Variants in ADARB1 observed in about 807,000 individuals in gnomAD.
ADARB1 encodes the protein double-stranded RNA-specific editase 1.
Under a neutral mutation model 52.4 loss-of-function variants are expected in ADARB1, and 10 were observed. The observed-to-expected ratio is 0.19, with a 90% CI of 0.12 to 0.32. The LOEUF (loss-of-function observed/expected upper bound fraction) is 0.32, where lower values mean the gene tolerates loss of function less well. Among genes scored for constraint, ADARB1 ranks in the 10% least tolerant of loss-of-function variants. ADARB1 has a pLI of 1.00. For synonymous variants in ADARB1, 349 were observed against 371.1 expected (o/e 0.94, Z 0.68); for missense variants, 643 against 922.3 (o/e 0.70, Z 3.92).
intron 1 of ADARB1, among the ~76,000 whole-genome samples, chr21:45,122,630 G>A (rs1364631049): frequency 1.3e-5 from 2 of 152,156 alleles, no homozygotes; most frequent in African/African-American, 4.8e-5. Context: ...GTCAGTGGGC[G>A]GAGGTGGGAG....
In ADARB1 at chr21:45,225,243, T is replaced by C; in HGVS notation, c.*3046T>C. On this transcript the variant is annotated 3_prime_UTR_variant, in exon 11 of 11. Transcript: ENST00000348831. The stretch of plus-strand genomic sequence containing the variant: ...TGAGGCAGCGACAGGTCCAGATGGA[T>C]GTCGTCACCACCTTCCTCAGCTCTC... 8.9e-7 allele frequency: 1 copy of C among 1,121,040 alleles called. No homozygotes were observed. The highest frequency in any genetic ancestry group is 1.1e-6 in the Non-Finnish European group (1 of 917,996). 69.4% of individuals were successfully genotyped at this position (1,121,040 alleles called of 1,614,324 possible).
rs76480815 is a variant in ADARB1 at position 45,195,156 on chromosome 21, T to C, written c.1566-9399T>C. On this transcript the variant is annotated intron_variant, in intron 8 of 10. Transcript: ENST00000348831. ...TAATTTGCAGATTCCTAATGACATA[T>C]GATGTGGAGCATCTTTTCATGTGTT... Among the ~76,000 whole-genome samples the C allele has an allele frequency of 5.5e-3, 845 of 152,374 alleles. 5 individuals are homozygous for C. The highest frequency in any genetic ancestry group is 0.019 in the African/African-American group (806 of 41,578).
intron 9 of ADARB1, among the ~76,000 whole-genome samples, chr21:45,206,912 C>T (rs1399999612): frequency 1.3e-5 from 2 of 152,140 alleles, no homozygotes; most frequent in Admixed American, 1.3e-4. Flanking sequence ...AGCACATTAC[C>T]AAACCCCTCC....
At chr21:45,124,955 C>T (rs958738759) in intron 1 of ADARB1, among the ~76,000 whole-genome samples, 8 of 151,834 alleles carry the variant, frequency 5.3e-5, no homozygotes, top group Non-Finnish European at 8.8e-5. Context: ...TGTGTTACTA[C>T]GCCTGGCTAA....
intron 1 of ADARB1, among the ~76,000 whole-genome samples, chr21:45,121,539 G>A (rs541107911): frequency 1.3e-5 from 2 of 152,210 alleles, no homozygotes; most frequent in East Asian, 1.9e-4. Flanking sequence ...ATTCTGCTGC[G>A]GGTTAGTTGG....
At chr21:45,091,347 GA>G (rs1307368392) in intron 1 of ADARB1, among the ~76,000 whole-genome samples, 1 of 152,094 alleles carries the variant, frequency 6.6e-6, no homozygotes, top group African/African-American at 2.4e-5. Flanking sequence ...TGCTTTTATT[GA>G]ATTCTTATGA....
At position 45,200,732 on chromosome 21, in the gene ADARB1, G is replaced by A. The variant is rs754357235; in HGVS notation, c.1566-3823G>A. On this transcript the variant is annotated intron_variant, in intron 8 of 10. Coordinates refer to ENST00000348831, the MANE Select transcript of ADARB1 (RefSeq NM_001112.4). This position sits in a 1 kb window ranked among gnomAD's most constrained non-coding sequence, Gnocchi z 5.0. ...GGGTTGAAAGCAGGAAGGAATGGGC[G>A]TGGGGCAACCACTAGGAAGCTGTAG... 7.4e-4 allele frequency among the ~76,000 whole-genome samples: 113 copies of A among 152,286 alleles called. No homozygotes were observed. In the Middle Eastern group the frequency reaches 0.014, roughly 18 times the overall value.
At chr21:45,198,643 C>G (rs1480105979) in intron 8 of ADARB1, among the ~76,000 whole-genome samples, 2 of 152,076 alleles carry the variant, frequency 1.3e-5, no homozygotes, top group African/African-American at 4.8e-5. Flanking sequence ...GGATGATGAT[C>G]CCCATTTTAT....
chr21:45,152,417 C>T (rs1569077915), intron 2 of ADARB1, among the ~76,000 whole-genome samples: 2 of 152,152 alleles, frequency 1.3e-5, no homozygotes, highest in South Asian at 4.1e-4. Context: ...GGTGTGTGGG[C>T]CCCTTCAGCC....
intron 2 of ADARB1, among the ~76,000 whole-genome samples, chr21:45,152,878 TA>T (rs144981214): frequency 0.015 from 2,226 of 152,322 alleles, 50 homozygotes; most frequent in African/African-American, 0.051. Flanking sequence ...GAATTTTAGA[TA>T]GGGGCACTTA....
At chr21:45,181,271 C>T (rs2091922782) in intron 5 of ADARB1, among the ~76,000 whole-genome samples, 1 of 152,204 alleles carries the variant, frequency 6.6e-6, no homozygotes, top group Non-Finnish European at 1.5e-5. Context: ...GAGGGGTCAC[C>T]TCTATCAGAC....
intron 1 of ADARB1, among the ~76,000 whole-genome samples, chr21:45,083,117 A>G (rs569147932): frequency 2.0e-5 from 3 of 152,374 alleles, no homozygotes; most frequent in South Asian, 2.1e-4. Flanking sequence ...TGAAAGCCTC[A>G]GGAAGGCAGG....
At chr21:45,155,505 T>C (rs1398652603) in intron 2 of ADARB1, among the ~76,000 whole-genome samples, 5 of 152,030 alleles carry the variant, frequency 3.3e-5, no homozygotes, top group Admixed American at 3.3e-4. Context: ...TACCAGTCCA[T>C]CTACTCATTG....
At chr21:45,110,151 T>C (rs1224665595) in intron 1 of ADARB1, among the ~76,000 whole-genome samples, 1 of 152,186 alleles carries the variant, frequency 6.6e-6, no homozygotes, top group African/African-American at 2.4e-5. Context: ...CACTTCCACA[T>C]TTTGAGAAGA....
At chr21:45,080,074 A>G (rs2086095319) in intron 1 of ADARB1, among the ~76,000 whole-genome samples, 1 of 152,116 alleles carries the variant, frequency 6.6e-6, no homozygotes, top group Non-Finnish European at 1.5e-5. Flanking sequence ...TGGGCTGGAG[A>G]GTTTCCTATT....
rs2092634845 is a variant in ADARB1 at position 45,204,823 on chromosome 21, G to C, written c.1747+87G>C. 7.2e-7 allele frequency: 1 copy of C among 1,381,858 alleles called. No individual in the cohort carries two copies. Among genetic ancestry groups the C allele is most frequent in the African/African-American group, 1.4e-5 (1 of 69,550 alleles). 85.6% of individuals were successfully genotyped at this position (1,381,858 alleles called of 1,614,324 possible). The stretch of plus-strand genomic sequence containing the variant: ...CATGAATGAAAAAAACACCACCTGA[G>C]CTGCTCTGTGGCTATCAAAAGAACA... On this transcript the variant is annotated intron_variant, in intron 9 of 10. Transcript: ENST00000348831. This position sits in a 1 kb window ranked among gnomAD's most constrained non-coding sequence, Gnocchi z 4.4.
chr21:45,196,863 T>C (rs898556993), intron 8 of ADARB1, among the ~76,000 whole-genome samples: 2 of 152,256 alleles, frequency 1.3e-5, no homozygotes, highest in Non-Finnish European at 2.9e-5. Context: ...TGTCATCCAC[T>C]GTGGCTAGGT....
intron 1 of ADARB1, among the ~76,000 whole-genome samples, chr21:45,086,276 G>T (rs2086339585): frequency 6.6e-6 from 1 of 152,176 alleles, no homozygotes; most frequent in Non-Finnish European, 1.5e-5. Context: ...CACCTTTTTA[G>T]AATGCTCTGG....
Position 45,189,084 on chromosome 21 carries a change from G to A in ADARB1, c.1565+3993G>A, listed in dbSNP as rs1323340357. Among the ~76,000 whole-genome samples the A allele has an allele frequency of 5.9e-5, 9 of 152,106 alleles. No individual in the cohort carries two copies. The East Asian group carries it at 7.7e-4, about 13-fold the overall frequency. On this transcript the variant is annotated intron_variant, in intron 8 of 10. Transcript: ENST00000348831. The stretch of plus-strand genomic sequence containing the variant: ...TGGTAAAGACCTGCCCCTATGATTC[G>A]ATTACCTCCCACTGGGTCCCTCCGA...
Sources: allele counts gnomAD v4.1 joint callset (sites outside exome capture counted in the v4.1 genomes callset), GRCh38; gene constraint gnomAD v4.1.1; non-coding constraint Gnocchi (gnomAD v3.1); transcripts MANE v1.5; gene names NCBI Gene and HGNC (gene_info 2026-07-23, HGNC 2026-07-21).